The following DNAJC15 variants were observed in gnomAD, a reference collection of about 807,000 sequenced individuals.
DNAJC15 encodes dnaJ homolog subfamily C member 15.
DNAJC15 carries 27 observed loss-of-function variants against 22.4 expected under a neutral mutation model. That is an observed-to-expected ratio of 1.20 (90% CI 0.89 to 1.66). The LOEUF is 1.66. DNAJC15 is among the 40% of genes most tolerant of loss of function. The pLI is 0.00. For synonymous variants in DNAJC15, 79 were observed against 63.2 expected, an observed-to-expected ratio of 1.25 and a Z score of -1.19; for missense variants, 208 against 187.1, an observed-to-expected ratio of 1.11 and a Z score of -0.65.
Position 43,113,132 on chromosome 13 carries a change from A to G in DNAJC15, c.*5884A>G, listed in dbSNP as rs537852230. The stretch of plus-strand genomic sequence containing the variant: ...ACAAGAGCTTTCAAGGAGAACATCC[A>G]GAGCAAGGTTCTGAAGACAGCTCAT... On this transcript the variant is annotated 3_prime_UTR_variant, in exon 6 of 6. Coordinates refer to ENST00000379221, the MANE Select transcript of DNAJC15 (RefSeq NM_013238.3). 1 of 152,350 alleles carries G rather than the reference A, an allele frequency of 6.6e-6. No individual in the cohort carries two copies. Among genetic ancestry groups the G allele is most frequent in the Admixed American group, 6.5e-5 (1 of 15,302 alleles). The allele number at this position is 152,350 out of a possible 1,614,324, so 9.4% of individuals were successfully genotyped here.
At chr13:43,104,379 G>A (rs866147566) in intron 5 of DNAJC15, among the ~76,000 whole-genome samples, 3 of 152,134 alleles carry the variant, frequency 2.0e-5, no homozygotes, top group East Asian at 1.9e-4. Flanking sequence ...GTGCATTTCC[G>A]TTATCTCCAG....
chr13:43,073,674 T>C (rs1347006173), intron 3 of DNAJC15, among the ~76,000 whole-genome samples: 1 of 152,222 alleles, frequency 6.6e-6, no homozygotes, highest in Non-Finnish European at 1.5e-5. Flanking sequence ...TTTCTGTACA[T>C]GCAAATTTTA....
At chr13:43,094,531 C>T (rs530347916) in intron 5 of DNAJC15, among the ~76,000 whole-genome samples, 2 of 152,310 alleles carry the variant, frequency 1.3e-5, no homozygotes, top group South Asian at 4.1e-4. Flanking sequence ...CTATGCGTGG[C>T]AGGTTCTGAT....
intron 1 of DNAJC15, among the ~76,000 whole-genome samples, chr13:43,049,451 C>T (rs9533361): frequency 0.22 from 33,571 of 151,914 alleles, 4,416 homozygotes; most frequent in Non-Finnish European, 0.3. Flanking sequence ...GTTTAGTAAA[C>T]GAGAAATAGC....
chr13:43,071,114 A>G (rs2040606739), intron 3 of DNAJC15, among the ~76,000 whole-genome samples: 1 of 152,252 alleles, frequency 6.6e-6, no homozygotes, highest in Admixed American at 6.5e-5. Flanking sequence ...CAAGCTGTGC[A>G]AAACTACATT....
At chr13:43,083,191 G>A (rs1188020700) in intron 4 of DNAJC15, among the ~76,000 whole-genome samples, 2 of 150,766 alleles carry the variant, frequency 1.3e-5, no homozygotes, top group East Asian at 3.9e-4. Context: ...TTTTTGAGAC[G>A]GAGTCTTGCT....
rs199853972 is a variant in DNAJC15 at position 43,045,735 on chromosome 13, G to C, written c.109-19951G>C. The stretch of plus-strand genomic sequence containing the variant: ...CTTCCTTGTTTTTTTCTTAAAACAG[G>C]TACTGAGTATAAAATATAAAACAAT... On this transcript the variant is annotated intron_variant, in intron 1 of 5. Transcript: ENST00000379221. 2.6e-5 allele frequency among the ~76,000 whole-genome samples: 4 copies of C among 152,138 alleles called. No individual in the cohort carries two copies. The East Asian group carries it at 7.7e-4, about 29-fold the overall frequency.
chr13:43,100,986 C>T (rs74707660), intron 5 of DNAJC15, among the ~76,000 whole-genome samples: 2,055 of 152,134 alleles, frequency 0.014, 46 homozygotes, highest in African/African-American at 0.044. Flanking sequence ...TTGATTGGCC[C>T]GTTTTTCATT....
intron 1 of DNAJC15, among the ~76,000 whole-genome samples, chr13:43,028,970 G>A (rs960487906): frequency 1.3e-5 from 2 of 152,162 alleles, no homozygotes; most frequent in African/African-American, 4.8e-5. Flanking sequence ...ACTTGTATCT[G>A]TATCTGTGAT....
chr13:43,087,549 AT>A (rs1238326358), intron 5 of DNAJC15, among the ~76,000 whole-genome samples: 1 of 152,214 alleles, frequency 6.6e-6, no homozygotes, highest in Non-Finnish European at 1.5e-5. Context: ...GCAGCTTTTA[AT>A]TTTGTTTCTT....
rs1317279849 is a variant in DNAJC15, at chr13:43,110,224, C to T, written c.*2976C>T. On this transcript the variant is annotated 3_prime_UTR_variant, in exon 6 of 6. Coordinates refer to ENST00000379221, the MANE Select transcript of DNAJC15 (RefSeq NM_013238.3). ...GTTCCTCTTTACATAGGCTTCTCAA[C>T]AGGGCTACTAGAGCATCGTCACCAT... is the stretch of plus-strand genomic sequence containing the variant. 6.6e-6 allele frequency: 1 copy of T among 152,204 alleles called. No individual in the cohort carries two copies. Among genetic ancestry groups the T allele is most frequent in the African/African-American group, 2.4e-5 (1 of 41,442 alleles). The allele number at this position is 152,204 out of a possible 1,614,324, so 9.4% of individuals were successfully genotyped here.
intron 1 of DNAJC15, among the ~76,000 whole-genome samples, chr13:43,060,994 G>T (rs2040556200): frequency 6.6e-6 from 1 of 152,190 alleles, no homozygotes; most frequent in Non-Finnish European, 1.5e-5. Context: ...TTGTTGTGTA[G>T]GGAAGGGATG....
At position 43,023,800 on chromosome 13, in the gene DNAJC15, A is replaced by G. The variant is rs554743972; in HGVS notation, c.108+66A>G. 3.4e-4 allele frequency: 474 copies of G among 1,398,982 alleles called. 1 individual carries two copies. In the East Asian group the frequency reaches 8.7e-3, roughly 26 times the overall value. 86.7% of individuals were successfully genotyped at this position (1,398,982 alleles called of 1,614,324 possible). On this transcript the variant is annotated intron_variant, in intron 1 of 5. Coordinates refer to ENST00000379221, the MANE Select transcript of DNAJC15 (RefSeq NM_013238.3). ...TGTAGTTTCTGCTTCAGCCCCCTCT[A>G]CCGCCTCACCCTTGAACCTTTGTAC...
At chr13:43,036,616 C>T (rs1340761126) in intron 1 of DNAJC15, among the ~76,000 whole-genome samples, 2 of 152,216 alleles carry the variant, frequency 1.3e-5, no homozygotes, top group Non-Finnish European at 2.9e-5. Context: ...GGGGTTCTGC[C>T]AGGGACCCAC....
intron 5 of DNAJC15, among the ~76,000 whole-genome samples, chr13:43,097,776 A>G (rs2040747060): frequency 6.6e-6 from 1 of 152,090 alleles, no homozygotes; most frequent in African/African-American, 2.4e-5. Context: ...CATCTCTATT[A>G]AAAATACAAA....
chr13:43,026,103 A>C (rs2040379607), intron 1 of DNAJC15, among the ~76,000 whole-genome samples: 1 of 152,178 alleles, frequency 6.6e-6, no homozygotes, highest in South Asian at 2.1e-4. Context: ...TAGCAGAAGG[A>C]CCATTGTTCT....
chr13:43,065,037 T>G (rs189392997), intron 1 of DNAJC15, among the ~76,000 whole-genome samples: 3 of 152,248 alleles, frequency 2.0e-5, no homozygotes, highest in African/African-American at 7.2e-5. Flanking sequence ...AATCTTTTGT[T>G]ATTGTGACAC....
chr13:43,051,330 A>T (rs376927336), intron 1 of DNAJC15, among the ~76,000 whole-genome samples: 11 of 152,070 alleles, frequency 7.2e-5, no homozygotes, highest in East Asian at 3.9e-4. Context: ...GTTTGGTTAC[A>T]TGGATAAGTT....
chr13:43,067,621 A>G (rs1456589300), intron 2 of DNAJC15, among the ~76,000 whole-genome samples: 1 of 152,168 alleles, frequency 6.6e-6, no homozygotes, highest in East Asian at 1.9e-4. Flanking sequence ...CTAGAATATT[A>G]TATTAAATAA....
Sources: gnomAD v4.1 joint callset for allele counts (sites outside exome capture counted in the v4.1 genomes callset) on GRCh38, gnomAD v4.1.1 for gene constraint, MANE v1.5 for transcripts, NCBI Gene and HGNC (gene_info 2026-07-23, HGNC 2026-07-21) for gene names.